Variants in PRKCB observed in about 807,000 individuals in gnomAD.
PRKCB encodes protein kinase C beta type.
A neutral mutation model predicts 81.5 loss-of-function variants in PRKCB; 13 were observed. That is an observed-to-expected ratio of 0.16 (90% CI 0.10 to 0.25). The LOEUF (loss-of-function observed/expected upper bound fraction) is 0.25, where lower values mean the gene tolerates loss of function less well. Ranked by LOEUF, PRKCB falls within the 10% of genes least tolerant of loss-of-function variation. The pLI, the probability that PRKCB is intolerant of heterozygous loss-of-function variation, is 1.00. For synonymous variants in PRKCB, 335 were observed against 321.4 expected, an observed-to-expected ratio of 1.04 and a Z score of -0.45; for missense variants, 509 against 875.7, an observed-to-expected ratio of 0.58 and a Z score of 5.29.
chr16:24,000,615 G>A (rs982541356), intron 3 of PRKCB, among the ~76,000 whole-genome samples: 1 of 152,120 alleles, frequency 6.6e-6, no homozygotes. Context: ...AAAGACAAAT[G>A]AATTTCAAAG....
At position 24,216,283 on chromosome 16, in the gene PRKCB, T is replaced by C; in HGVS notation, c.*1467T>C. The C allele has an allele frequency of 1.0e-6, 1 of 985,460 alleles. No homozygotes were observed. The highest frequency in any genetic ancestry group is 1.2e-6 in the Non-Finnish European group (1 of 829,956). The allele number at this position is 985,460 out of a possible 1,614,324, so 61.0% of individuals were successfully genotyped here. ...CAGCTGGGAACGTGAATGGGGCTCT[T>C]GATTTTCTTATCAAAATCACCACTC... On this transcript the variant is annotated 3_prime_UTR_variant, in exon 17 of 17. Coordinates refer to ENST00000643927, the MANE Select transcript of PRKCB (RefSeq NM_002738.7).
At chr16:24,142,862 C>T (rs1966923147) in intron 9 of PRKCB, among the ~76,000 whole-genome samples, 1 of 152,034 alleles carries the variant, frequency 6.6e-6, no homozygotes, top group African/African-American at 2.4e-5. Flanking sequence ...AGGGAGGGTA[C>T]ACTCCTTGCA....
In PRKCB at chr16:24,168,716, ATTTTTTT is replaced by A. The variant is rs945320742; in HGVS notation, c.1240-3538_1240-3532del. On this transcript the variant is annotated intron_variant, in intron 10 of 16. Coordinates refer to ENST00000643927, the MANE Select transcript of PRKCB (RefSeq NM_002738.7). The stretch of plus-strand genomic sequence containing the variant: ...CAGGTGCTCACCACCATGCCTGGCT[ATTTTTTT>A]TTTTTTTTTTTTTTTGGTAGAGGCA... 3.0e-4 allele frequency among the ~76,000 whole-genome samples: 22 copies of A among 74,498 alleles called. 1 individual carries two copies. Among genetic ancestry groups the A allele is most frequent in the Admixed American group, 1.5e-3 (10 of 6,592 alleles). The allele number at this position is 74,498 out of a possible 152,430, so 48.9% of individuals were successfully genotyped here. A position where few individuals can be genotyped will look rare whatever the true frequency, so the allele number is the denominator to read the frequency against.
At chr16:23,854,210 C>A (rs956160810) in intron 2 of PRKCB, among the ~76,000 whole-genome samples, 2 of 151,906 alleles carry the variant, frequency 1.3e-5, no homozygotes, top group African/African-American at 4.8e-5. Flanking sequence ...ACATCCCAAG[C>A]AGATCTCTTT....
At position 24,214,980 on chromosome 16, in the gene PRKCB, C is replaced by A. The variant is rs757766956; in HGVS notation, c.*164C>A. On this transcript the variant is annotated 3_prime_UTR_variant, in exon 17 of 17. Transcript: ENST00000643927. ...CCAAATGTCCTCAGGTAGTTTGGAG[C>A]ATCTCTATGAGATGGGATTATGCAG... The A allele has an allele frequency of 5.5e-6, 8 of 1,448,146 alleles. No homozygotes were observed. The highest frequency in any genetic ancestry group is 5.4e-6 in the Non-Finnish European group (6 of 1,105,554). The allele number at this position is 1,448,146 out of a possible 1,614,324, so 89.7% of individuals were successfully genotyped here.
rs10714409 is a variant in PRKCB, at chr16:23,956,979, T to TAAA, written c.206-31504_206-31502dup. Among the ~76,000 whole-genome samples the TAAA allele has an allele frequency of 2.0e-3, 90 of 45,970 alleles. 9 individuals carry two copies. The highest frequency in any genetic ancestry group is 6.7e-3 in the African/African-American group (75 of 11,200). 30.2% of individuals were successfully genotyped at this position (45,970 alleles called of 152,430 possible). On this transcript the variant is annotated intron_variant, in intron 2 of 16. Transcript: ENST00000643927. ...TACAGGTGGAGTAAGCTATAGGCAGTAAAAAAAAAAAAAAAAAAAAAAAAA... is the reference window on the plus strand; with the variant it reads ...TACAGGTGGAGTAAGCTATAGGCAGTAAAAAAAAAAAAAAAAAAAAAAAAAAAA...
intron 8 of PRKCB, among the ~76,000 whole-genome samples, chr16:24,120,762 C>T (rs1009594565): frequency 1.3e-5 from 2 of 152,008 alleles, no homozygotes; most frequent in Non-Finnish European, 2.9e-5. Context: ...AAGACAGGGT[C>T]TCCCTTTATC....
intron 3 of PRKCB, among the ~76,000 whole-genome samples, chr16:24,005,776 C>A (rs191906062): frequency 2.0e-5 from 3 of 152,170 alleles, no homozygotes; most frequent in South Asian, 4.1e-4. Context: ...GGCAAAGGCT[C>A]GCTTCCTCCT....
At chr16:24,076,587 G>T (rs555958880) in intron 5 of PRKCB, among the ~76,000 whole-genome samples, 3 of 152,138 alleles carry the variant, frequency 2.0e-5, no homozygotes, top group Non-Finnish European at 4.4e-5. Context: ...TGCATGGTCT[G>T]GGGGGAGGAG....
intron 5 of PRKCB, among the ~76,000 whole-genome samples, chr16:24,067,957 AAAG>A (rs1396216817): frequency 6.7e-6 from 1 of 149,558 alleles, no homozygotes; most frequent in Non-Finnish European, 1.5e-5. Context: ...AAAAAAAAAA[AAAG>A]AGAGAGAGAG....
intron 10 of PRKCB, among the ~76,000 whole-genome samples, chr16:24,166,132 C>T (rs1343147852): frequency 2.6e-5 from 4 of 152,014 alleles, no homozygotes; most frequent in Non-Finnish European, 5.9e-5. Flanking sequence ...AGTGATCTGT[C>T]CACCTTAACC....
At chr16:23,861,797 G>A (rs1962670158) in intron 2 of PRKCB, among the ~76,000 whole-genome samples, 1 of 152,180 alleles carries the variant, frequency 6.6e-6, no homozygotes, top group Admixed American at 6.5e-5. Context: ...AGCTGTAAAT[G>A]GCAGTGTAAA....
At chr16:23,977,665 G>A (rs1325703797) in intron 2 of PRKCB, among the ~76,000 whole-genome samples, 1 of 152,214 alleles carries the variant, frequency 6.6e-6, no homozygotes, top group Non-Finnish European at 1.5e-5. Context: ...GTTCTCTCCA[G>A]TGATGAAGTA....
intron 10 of PRKCB, among the ~76,000 whole-genome samples, chr16:24,167,969 C>T (rs1967373460): frequency 1.3e-5 from 2 of 152,218 alleles, no homozygotes; most frequent in Admixed American, 1.3e-4. Context: ...AAGCATTCAG[C>T]TCATCACGTG....
intron 16 of PRKCB, among the ~76,000 whole-genome samples, chr16:24,193,142 T>TTTATTG (rs1259012243): frequency 2.0e-5 from 3 of 151,832 alleles, no homozygotes; most frequent in African/African-American, 7.3e-5. Context: ...TATTTTTATT[T>TTTATTG]TTAAATAAAT....
At chr16:23,916,323 A>C (rs534168887) in intron 2 of PRKCB, among the ~76,000 whole-genome samples, 1 of 149,416 alleles carries the variant, frequency 6.7e-6, no homozygotes, top group South Asian at 2.1e-4. Context: ...TCAGCCTTCC[A>C]AAGTGCTGGG....
At chr16:24,148,633 G>A (rs1967029631) in intron 9 of PRKCB, among the ~76,000 whole-genome samples, 1 of 152,208 alleles carries the variant, frequency 6.6e-6, no homozygotes, top group African/African-American at 2.4e-5. Context: ...AACCCAAGGT[G>A]GCAGGGACCA....
At chr16:23,916,165 C>G (rs1361997392) in intron 2 of PRKCB, among the ~76,000 whole-genome samples, 1 of 151,622 alleles carries the variant, frequency 6.6e-6, no homozygotes, top group Non-Finnish European at 1.5e-5. Flanking sequence ...GCGATTCTCC[C>G]ACCTCAGCCT....
intron 8 of PRKCB, among the ~76,000 whole-genome samples, chr16:24,119,561 G>A (rs1966774043): frequency 6.7e-6 from 1 of 150,328 alleles, no homozygotes; most frequent in Non-Finnish European, 1.5e-5. Context: ...CCTGAGCCAG[G>A]ATTCAAAGAA....
Sources: gnomAD v4.1 joint callset for allele counts (sites outside exome capture counted in the v4.1 genomes callset) on GRCh38, gnomAD v4.1.1 for gene constraint, MANE v1.5 for transcripts, NCBI Gene and HGNC (gene_info 2026-07-23, HGNC 2026-07-21) for gene names.